ATE1: variants seen among roughly 807,000 people sequenced by gnomAD.
ATE1 encodes the protein arginyltransferase 1, also known as arginyl-tRNA--protein transferase 1.
A neutral mutation model predicts 70.5 loss-of-function variants in ATE1; 36 were observed. That is an observed-to-expected ratio of 0.51 (90% CI 0.39 to 0.67). The LOEUF (loss-of-function observed/expected upper bound fraction) is 0.67, where lower values mean the gene tolerates loss of function less well. Among genes scored for constraint, ATE1 ranks in the 30% least tolerant of loss-of-function variants. The pLI, the probability that ATE1 is intolerant of heterozygous loss-of-function variation, is 0.00. For synonymous variants in ATE1, 232 were observed against 219.3 expected (o/e 1.06, Z -0.51); for missense variants, 593 against 629.5 (o/e 0.94, Z 0.62).
At chr10:121,919,170 C>A (rs1951779170) in intron 3 of ATE1, among the ~76,000 whole-genome samples, 1 of 152,104 alleles carries the variant, frequency 6.6e-6, no homozygotes, top group Non-Finnish European at 1.5e-5. Context: ...TCACACTTCA[C>A]AATAAATCTT....
intron 7 of ATE1, among the ~76,000 whole-genome samples, chr10:121,874,400 G>C (rs1191283636): frequency 1.3e-5 from 2 of 152,076 alleles, no homozygotes; most frequent in Admixed American, 1.3e-4. Flanking sequence ...AAGTTTTATT[G>C]TTTCATATTT....
intron 10 of ATE1, among the ~76,000 whole-genome samples, chr10:121,814,221 G>A (rs1947444871): frequency 6.6e-6 from 1 of 152,160 alleles, no homozygotes; most frequent in Non-Finnish European, 1.5e-5. Context: ...AAATGAACTG[G>A]TGAAAAGAAT....
intron 10 of ATE1, among the ~76,000 whole-genome samples, chr10:121,821,660 C>G (rs963489437): frequency 1.3e-5 from 2 of 152,214 alleles, no homozygotes; most frequent in East Asian, 3.9e-4. Context: ...GCAGATGGAT[C>G]ACTTGAGGTC....
chr10:121,928,265 G>T, upstream of ATE1: 1 of 1,434,462 alleles, frequency 7.0e-7, no homozygotes, highest in Non-Finnish European at 9.2e-7. Context: ...GCGGGAGTCG[G>T]GGTGCGAGCC....
rs919211805 is a variant in ATE1, at chr10:121,927,967, C to A, written c.-18G>T. ...AAAGCCATGGCCTCGGCCCCGCGAACGCTCAGCCGCCCGGCCCCGCGTCGC... is the reference window on the plus strand; with the variant it reads ...AAAGCCATGGCCTCGGCCCCGCGAAAGCTCAGCCGCCCGGCCCCGCGTCGC... On this transcript the variant is annotated 5_prime_UTR_variant, in exon 1 of 12. Transcript: ENST00000224652. 3.3e-6 allele frequency: 5 copies of A among 1,507,276 alleles called. No homozygotes were observed. In the African/African-American group the frequency reaches 5.8e-5, roughly 17 times the overall value. The allele number at this position is 1,507,276 out of a possible 1,614,324, so 93.4% of individuals were successfully genotyped here. A position where few individuals can be genotyped will look rare whatever the true frequency, so the allele number is the denominator to read the frequency against.
intron 11 of ATE1, among the ~76,000 whole-genome samples, chr10:121,754,041 G>C (rs1944697511): frequency 6.6e-6 from 1 of 152,184 alleles, no homozygotes; most frequent in Admixed American, 6.5e-5. Flanking sequence ...TATGGAAAAG[G>C]AGAAGACTAG....
intron 5 of ATE1, among the ~76,000 whole-genome samples, chr10:121,904,429 C>T (rs7899628): frequency 0.33 from 49,951 of 150,642 alleles, 8,407 homozygotes; most frequent in South Asian, 0.43. Context: ...ATCACGAGGT[C>T]AGGAGATTGA....
chr10:121,867,225 C>T (rs1949694686), intron 8 of ATE1, among the ~76,000 whole-genome samples: 1 of 152,140 alleles, frequency 6.6e-6, no homozygotes, highest in Non-Finnish European at 1.5e-5. Context: ...AAACAGGGTC[C>T]TCTCTCAATG....
intron 10 of ATE1, among the ~76,000 whole-genome samples, chr10:121,821,138 G>T (rs1279607463): frequency 1.3e-5 from 2 of 152,088 alleles, no homozygotes; most frequent in Non-Finnish European, 2.9e-5. Flanking sequence ...TAGAGACGGG[G>T]TTTCACCATG....
chr10:121,765,747 G>A (rs1945253121), intron 11 of ATE1, among the ~76,000 whole-genome samples: 1 of 152,156 alleles, frequency 6.6e-6, no homozygotes, highest in Non-Finnish European at 1.5e-5. Context: ...GGTGCAATAA[G>A]AATATACAAA....
intron 3 of ATE1, 21 bp from the exon 4 acceptor site, chr10:121,913,914 T>C (rs1454225782): frequency 8.9e-6 from 14 of 1,574,590 alleles, no homozygotes; most frequent in Non-Finnish European, 1.2e-5. Flanking sequence ...AAAATAAATA[T>C]TTAAAAAGTG....
chr10:121,745,532 C>T lies in ATE1; in HGVS notation c.1379-1674G>A, dbSNP rs571716197. On this transcript the variant is annotated intron_variant, in intron 11 of 11. Coordinates refer to ENST00000224652, the MANE Select transcript of ATE1 (RefSeq NM_001001976.3). ...GAGATCGACACCATTCTGGCTAACA[C>T]GGTGAAACCCCGTCTCTACTAAAAA... Among the ~76,000 whole-genome samples the T allele has an allele frequency of 1.7e-4, 26 of 152,112 alleles. 1 individual carries two copies. Among genetic ancestry groups the T allele is most frequent in the East Asian group, 9.7e-4 (5 of 5,176 alleles).
chr10:121,777,344 G>A (rs556200940), intron 11 of ATE1, among the ~76,000 whole-genome samples: 10 of 152,290 alleles, frequency 6.6e-5, no homozygotes, highest in Non-Finnish European at 1.0e-4. Context: ...ATCAGAAAAC[G>A]TCATGAGCAA....
At chr10:121,815,587 G>T (rs1180194728) in intron 10 of ATE1, among the ~76,000 whole-genome samples, 2 of 152,170 alleles carry the variant, frequency 1.3e-5, no homozygotes, top group African/African-American at 4.8e-5. Flanking sequence ...AGGTGGTCCT[G>T]GGGTAATGAG....
At chr10:121,823,742 C>G (rs1423232194) in intron 10 of ATE1, among the ~76,000 whole-genome samples, 1 of 152,204 alleles carries the variant, frequency 6.6e-6, no homozygotes, top group Non-Finnish European at 1.5e-5. Context: ...AGAGATTAGA[C>G]AAAGGATCAG....
rs146425826 is a variant in ATE1, at chr10:121,797,296, A to G, written c.1258-7007T>C. ...CAGAGGAGGAGCAAAAAATGTTTCC[A>G]GCAAGCCCTAGTGATCCATTTTTTT... On this transcript the variant is annotated intron_variant, in intron 10 of 11. Transcript: ENST00000224652. 4.0e-3 allele frequency among the ~76,000 whole-genome samples: 612 copies of G among 152,334 alleles called. 10 individuals carry two copies. Among genetic ancestry groups the G allele is most frequent in the African/African-American group, 0.014 (588 of 41,576 alleles).
intron 7 of ATE1, among the ~76,000 whole-genome samples, chr10:121,884,700 C>A (rs965012809): frequency 1.3e-5 from 2 of 152,130 alleles, no homozygotes; most frequent in Admixed American, 6.5e-5. Flanking sequence ...CTTTGGATCT[C>A]CCCAAAAAGG....
intron 7 of ATE1, among the ~76,000 whole-genome samples, chr10:121,894,832 C>T (rs1001735817): frequency 1.3e-5 from 2 of 151,914 alleles, no homozygotes; most frequent in African/African-American, 2.4e-5. Context: ...ACCCGAGAGG[C>T]GGAGCTTGCA....
intron 10 of ATE1, among the ~76,000 whole-genome samples, chr10:121,798,700 G>C (rs1946755405): frequency 6.6e-6 from 1 of 152,098 alleles, no homozygotes; most frequent in Admixed American, 6.5e-5. Context: ...AGGAATTCGA[G>C]ATCAGCCTGA....
Sources: allele counts gnomAD v4.1 joint callset (sites outside exome capture counted in the v4.1 genomes callset), GRCh38; gene constraint gnomAD v4.1.1; transcripts MANE v1.5; gene names NCBI Gene and HGNC (gene_info 2026-07-23, HGNC 2026-07-21).